STAT4: variants seen among roughly 807,000 people sequenced by gnomAD.
STAT4 encodes signal transducer and activator of transcription 4.
In STAT4, 42 loss-of-function variants were observed where a neutral mutation model predicts 110.5. The observed-to-expected ratio is 0.38, with a 90% CI of 0.30 to 0.49. The LOEUF (loss-of-function observed/expected upper bound fraction) is 0.49. Ranked by LOEUF, STAT4 falls within the 20% of genes least tolerant of loss-of-function variation. STAT4 has a pLI of 0.95. For missense variants in STAT4, 632 were observed against 887.9 expected (o/e 0.71, Z 3.66); for synonymous variants, 284 against 302.2 (o/e 0.94, Z 0.63).
chr2:191,121,162 C>T (rs542835070), intron 3 of STAT4, among the ~76,000 whole-genome samples: 9 of 152,222 alleles, frequency 5.9e-5, no homozygotes, highest in African/African-American at 1.2e-4. Flanking sequence ...CCAACAGACA[C>T]GTGAAAAAAT....
intron 3 of STAT4, among the ~76,000 whole-genome samples, chr2:191,114,170 G>T (rs983015601): frequency 7.9e-5 from 12 of 152,186 alleles, no homozygotes; most frequent in Non-Finnish European, 8.8e-5. Context: ...CAATCCTTAA[G>T]TGTTATAGTA....
intron 3 of STAT4, chr2:191,131,511 C>T (rs774889261): frequency 1.4e-5 from 3 of 211,916 alleles, no homozygotes; most frequent in Non-Finnish European, 2.8e-5. Flanking sequence ...AGCTTTCAAA[C>T]CTAGACACTT....
At chr2:191,075,936 G>T in intron 4 of STAT4, 2 of 216,570 alleles carry the variant, frequency 9.2e-6, no homozygotes, top group Admixed American at 5.6e-5. Flanking sequence ...CTGCAACCTT[G>T]AACTGCTGGG....
chr2:191,115,638 C>T lies in STAT4; in HGVS notation c.273+30975G>A, dbSNP rs80338628. On this transcript the variant is annotated intron_variant, in intron 3 of 23. Transcript: ENST00000392320. Reference sequence around the variant, plus strand: ...TTGTGTCTCATCAGGTCCTTAGTCACCTATGACAATTGGACCGAATGCTCC... The same window carrying T: ...TTGTGTCTCATCAGGTCCTTAGTCATCTATGACAATTGGACCGAATGCTCC... 2.7e-3 allele frequency among the ~76,000 whole-genome samples: 417 copies of T among 152,322 alleles called. 18 individuals are homozygous for T. The East Asian group carries it at 0.064, about 23-fold the overall frequency.
rs555749727 is a variant in STAT4, at chr2:191,061,179, T to C, written c.1034+550A>G. On this transcript the variant is annotated intron_variant, in intron 10 of 23. Transcript: ENST00000392320. The surrounding 1 kb of genome is among the most constrained non-coding windows in gnomAD (Gnocchi z 6.2). ...TTATGTCTTTAAATCAGGTACACAA[T>C]AGGGACATATGGAAAACTGTGGTAT... Among the ~76,000 whole-genome samples the C allele has an allele frequency of 6.6e-6, 1 of 152,296 alleles. No individual in the cohort carries two copies. Among genetic ancestry groups the C allele is most frequent in the Admixed American group, 6.5e-5 (1 of 15,298 alleles).
intron 14 of STAT4, among the ~76,000 whole-genome samples, chr2:191,049,321 A>G (rs1169297546): frequency 4.0e-5 from 6 of 151,734 alleles, no homozygotes; most frequent in East Asian, 3.9e-4. Flanking sequence ...ACTACAGGCA[A>G]CCCGCCACCA....
At chr2:191,126,194 T>C (rs1339241592) in intron 3 of STAT4, among the ~76,000 whole-genome samples, 1 of 152,236 alleles carries the variant, frequency 6.6e-6, no homozygotes, top group East Asian at 1.9e-4. Flanking sequence ...TTATTAAACC[T>C]ACTTTAACAA....
chr2:191,030,711 A>C lies in STAT4; in HGVS notation c.2220+261T>G. On this transcript the variant is annotated intron_variant, in intron 23 of 23. Transcript: ENST00000392320. The surrounding 1 kb of genome is among the most constrained non-coding windows in gnomAD (Gnocchi z 4.4). ...CAGCGATAGTGTGCTTGAGTAGGGTATAGGAATATTTTGCCCTCTGGTGGT... is the reference window on the plus strand; with the variant it reads ...CAGCGATAGTGTGCTTGAGTAGGGTCTAGGAATATTTTGCCCTCTGGTGGT... 1 of 374,472 alleles carries C rather than the reference A, an allele frequency of 2.7e-6. No individual in the cohort carries two copies. The highest frequency in any genetic ancestry group is 5.0e-6 in the Non-Finnish European group (1 of 198,370). The allele number at this position is 374,472 out of a possible 1,614,324, so 23.2% of individuals were successfully genotyped here.
At chr2:191,134,471 C>A (rs1444130503) in intron 3 of STAT4, among the ~76,000 whole-genome samples, 1 of 152,130 alleles carries the variant, frequency 6.6e-6, no homozygotes, top group East Asian at 1.9e-4. Context: ...ACTGCTGCCA[C>A]CCCTGGGGCC....
chr2:191,115,319 G>A (rs1470822075), intron 3 of STAT4, among the ~76,000 whole-genome samples: 1 of 152,194 alleles, frequency 6.6e-6, no homozygotes, highest in Non-Finnish European at 1.5e-5. Context: ...TGCTTCATTG[G>A]TGATGAACAA....
At chr2:191,130,390 T>C (rs1699002604) in intron 3 of STAT4, among the ~76,000 whole-genome samples, 2 of 148,064 alleles carry the variant, frequency 1.4e-5, no homozygotes, top group African/African-American at 5.3e-5. Context: ...GCCAGCTAAT[T>C]TTTTGTATTT....
At position 191,107,057 on chromosome 2, in the gene STAT4, T is replaced by TC. The variant is rs1216699428; in HGVS notation, c.274-30733dup. Among the ~76,000 whole-genome samples the TC allele has an allele frequency of 3.3e-5, 5 of 152,216 alleles. No individual in the cohort carries two copies. Among genetic ancestry groups the TC allele is most frequent in the Admixed American group, 6.5e-5 (1 of 15,288 alleles). On this transcript the variant is annotated intron_variant, in intron 3 of 23. Coordinates refer to ENST00000392320, the MANE Select transcript of STAT4 (RefSeq NM_003151.4). This position sits in a 1 kb window ranked among gnomAD's most constrained non-coding sequence, Gnocchi z 4.2. ...AGACACATGTATGAAATTCAAGTAC[T>TC]CTACACATTAATGTCAGCAGTAGAA...
intron 14 of STAT4, among the ~76,000 whole-genome samples, chr2:191,054,238 A>G (rs993844009): frequency 5.9e-5 from 9 of 151,956 alleles, no homozygotes; most frequent in Admixed American, 5.2e-4. Flanking sequence ...TAAATAAAAG[A>G]CTGGAATGAT....
chr2:191,054,447 GA>G (rs1307352620), intron 14 of STAT4, 42 bp downstream of exon 14: 2 of 1,508,392 alleles, frequency 1.3e-6, no homozygotes, highest in African/African-American at 2.8e-5. Context: ...GATATTATAA[GA>G]TCTGTTTCCA....
intron 3 of STAT4, among the ~76,000 whole-genome samples, chr2:191,095,779 G>A (rs1697953523): frequency 1.3e-5 from 2 of 152,182 alleles, no homozygotes; most frequent in African/African-American, 4.8e-5. Context: ...AGAACTGAAA[G>A]AGATAGAGAC....
In STAT4 at chr2:191,117,202, C is replaced by A. The variant is rs1424159214; in HGVS notation, c.273+29411G>T. Among the ~76,000 whole-genome samples, 1 of 152,198 alleles carries A rather than the reference C, an allele frequency of 6.6e-6. No individual in the cohort carries two copies. The highest frequency in any genetic ancestry group is 1.5e-5 in the Non-Finnish European group (1 of 68,030). ...TGTCTGATTATTAGAATTACCTGAG[C>A]TGCTCAGTCCCACAACAAATCAAAA... is the stretch of plus-strand genomic sequence containing the variant. On this transcript the variant is annotated intron_variant, in intron 3 of 23. Coordinates refer to ENST00000392320, the MANE Select transcript of STAT4 (RefSeq NM_003151.4). The surrounding 1 kb of genome is among the most constrained non-coding windows in gnomAD (Gnocchi z 5.2).
chr2:191,150,327 T>C lies in STAT4; in HGVS notation c.-2+620A>G, dbSNP rs1699561605. On this transcript the variant is annotated intron_variant, in intron 1 of 23. Coordinates refer to ENST00000392320, the MANE Select transcript of STAT4 (RefSeq NM_003151.4). The surrounding 1 kb of genome is among the most constrained non-coding windows in gnomAD (Gnocchi z 6.4). Reference sequence around the variant, plus strand: ...AGCAGGTTTCTTTGCTTTCACTCTCTAGGGGCTACTTCTTTCTCATGAAAA... The same window carrying C: ...AGCAGGTTTCTTTGCTTTCACTCTCCAGGGGCTACTTCTTTCTCATGAAAA... 6.6e-6 allele frequency among the ~76,000 whole-genome samples: 1 copy of C among 152,174 alleles called. No individual in the cohort carries two copies.
chr2:191,126,605 ATT>A (rs553624680), intron 3 of STAT4, among the ~76,000 whole-genome samples: 2 of 150,436 alleles, frequency 1.3e-5, no homozygotes, highest in African/African-American at 4.9e-5. Flanking sequence ...TAGAAATCTC[ATT>A]TTTTTTTCCT....
At chr2:191,114,059 G>T (rs879405472) in intron 3 of STAT4, among the ~76,000 whole-genome samples, 2 of 152,124 alleles carry the variant, frequency 1.3e-5, no homozygotes, top group Non-Finnish European at 2.9e-5. Context: ...TTTAATCTGG[G>T]CCATAATTGT....
Sources: allele counts gnomAD v4.1 joint callset (sites outside exome capture counted in the v4.1 genomes callset), GRCh38; gene constraint gnomAD v4.1.1; non-coding constraint Gnocchi (gnomAD v3.1); transcripts MANE v1.5; gene names NCBI Gene and HGNC (gene_info 2026-07-23, HGNC 2026-07-21).